Variants in PTPRS observed in about 807,000 individuals in gnomAD.
PTPRS encodes receptor-type tyrosine-protein phosphatase S.
Under a neutral mutation model 215.3 loss-of-function variants are expected in PTPRS, and 63 were observed. The ratio of observed to expected loss-of-function variants is 0.29; its 90% CI spans 0.24 to 0.36. The LOEUF is 0.36. Among genes scored for constraint, PTPRS ranks in the 10% least tolerant of loss-of-function variants. The pLI is 1.00. For missense variants in PTPRS, 2,258 were observed against 2,825.8 expected, an observed-to-expected ratio of 0.80 and a Z score of 4.56; for synonymous variants, 1,404 against 1,191.4, an observed-to-expected ratio of 1.18 and a Z score of -3.68.
intron 1 of PTPRS, among the ~76,000 whole-genome samples, chr19:5,337,185 A>AT (rs1003744666): frequency 6.6e-6 from 1 of 152,220 alleles, no homozygotes; most frequent in African/African-American, 2.4e-5. Flanking sequence ...GCCGAAAAAC[A>AT]TTAAGCTTTG....
At chr19:5,330,079 A>G (rs1169697785) in intron 1 of PTPRS, among the ~76,000 whole-genome samples, 1 of 150,492 alleles carries the variant, frequency 6.6e-6, no homozygotes, top group Non-Finnish European at 1.5e-5. Flanking sequence ...TCTGTCTCAA[A>G]AAAAAAAAAA....
At chr19:5,312,360 G>T (rs2049734253) in intron 1 of PTPRS, among the ~76,000 whole-genome samples, 1 of 152,108 alleles carries the variant, frequency 6.6e-6, no homozygotes, top group Non-Finnish European at 1.5e-5. Flanking sequence ...ATTTGCAAAT[G>T]CTATAATAAT....
chr19:5,313,445 C>T (rs2049772663), intron 1 of PTPRS, among the ~76,000 whole-genome samples: 3 of 152,276 alleles, frequency 2.0e-5, no homozygotes, highest in African/African-American at 7.2e-5. Flanking sequence ...CATAGGAAAC[C>T]GGGTGCTGGG....
At chr19:5,310,676 T>C (rs975349639) in intron 1 of PTPRS, among the ~76,000 whole-genome samples, 18 of 151,842 alleles carry the variant, frequency 1.2e-4, no homozygotes, top group African/African-American at 4.4e-4. Context: ...ATTTAATCTA[T>C]TGGCTTTATG....
intron 1 of PTPRS, among the ~76,000 whole-genome samples, chr19:5,314,867 C>T (rs572781468): frequency 1.3e-5 from 2 of 152,326 alleles, no homozygotes; most frequent in East Asian, 3.9e-4. Flanking sequence ...AACCTCAAAC[C>T]TCTGACCCTT....
At chr19:5,273,305 T>C (rs1431760699) in intron 4 of PTPRS, 137 bp downstream of exon 4, 1 of 1,216,728 alleles carries the variant, frequency 8.2e-7, no homozygotes, top group Admixed American at 1.8e-5. Context: ...CTGTTACTGG[T>C]TGGATAAGGG....
chr19:5,274,137 G>A (rs2047157503), intron 3 of PTPRS, 62 bp downstream of exon 3: 12 of 1,564,228 alleles, frequency 7.7e-6, no homozygotes, highest in South Asian at 6.9e-5. Flanking sequence ...TGTGGCTGAG[G>A]TGCTGTGGCC....
intron 9 of PTPRS, among the ~76,000 whole-genome samples, chr19:5,253,724 C>T (rs990138703): frequency 3.7e-4 from 57 of 152,278 alleles, no homozygotes; most frequent in Non-Finnish European, 6.8e-4. Context: ...TTAAAAGTTT[C>T]CCATATGCCA....
intron 7 of PTPRS, among the ~76,000 whole-genome samples, chr19:5,260,395 G>A (rs1386590433): frequency 6.6e-6 from 1 of 152,076 alleles, no homozygotes; most frequent in African/African-American, 2.4e-5. Context: ...GCCCAGGCTG[G>A]TCTTGAACTC....
At chr19:5,239,211 C>T (rs1338073406) in intron 12 of PTPRS, 148 bp from the exon 13 acceptor site, 31 of 581,252 alleles carry the variant, frequency 5.3e-5, no homozygotes, top group African/African-American at 1.7e-4. Context: ...GACAGGGGTG[C>T]GGCAGAGAGG....
intron 9 of PTPRS, 62 bp downstream of exon 9, chr19:5,256,046 G>T: frequency 7.0e-7 from 1 of 1,433,548 alleles, no homozygotes; most frequent in Non-Finnish European, 9.7e-7. Context: ...GTGTGTGTGC[G>T]TGTCATTTTC....
At chr19:5,249,203 C>A (rs1205051144) in intron 9 of PTPRS, among the ~76,000 whole-genome samples, 1 of 152,162 alleles carries the variant, frequency 6.6e-6, no homozygotes, top group East Asian at 1.9e-4. Context: ...CCCAGTTACT[C>A]TGGAGGCTGA....
Position 5,221,192 on chromosome 19 carries a change from T to C in PTPRS, c.3263A>G (p.His1088Arg). ...DGRTTKKLITHLKPHTFYNFV... is the reference protein window; with the variant it reads ...DGRTTKKLITRLKPHTFYNFV... The stretch of plus-strand genomic sequence containing the variant: ...GTTGTAGAAGGTGTGGGGCTTGAGG[T>C]GCGTGATGAGCTTCTTGGTGGTACG... Residue 1088 changes from histidine to arginine, a missense_variant, in exon 20 of 38, where the codon CAC (histidine) becomes CGC (arginine). His to Arg is a conservative substitution (Grantham distance 29, BLOSUM62 0). This residue lies in a region of PTPRS where 927 missense variants were observed against 1,125.9 expected (regional missense o/e 0.82). Transcript: ENST00000262963. 1 of 1,613,788 alleles carries C rather than the reference T, an allele frequency of 6.2e-7. No homozygotes were observed. The highest frequency in any genetic ancestry group is 8.5e-7 in the Non-Finnish European group (1 of 1,179,934).
chr19:5,296,943 A>C (rs1419701949), intron 1 of PTPRS, among the ~76,000 whole-genome samples: 1 of 152,014 alleles, frequency 6.6e-6, no homozygotes, highest in African/African-American at 2.4e-5. Flanking sequence ...ATGAGGGAGA[A>C]AGGCACATTC....
Position 5,315,533 on chromosome 19 carries a change from T to C in PTPRS, c.-95+25131A>G, listed in dbSNP as rs191126917. 3.7e-3 allele frequency among the ~76,000 whole-genome samples: 530 copies of C among 142,610 alleles called. 1 individual carries two copies. The highest frequency in any genetic ancestry group is 0.014 in the African/African-American group (502 of 35,980). 93.6% of individuals were successfully genotyped at this position (142,610 alleles called of 152,430 possible). On this transcript the variant is annotated intron_variant, in intron 1 of 37. Coordinates refer to ENST00000262963, the MANE Select transcript of PTPRS (RefSeq NM_002850.4). ...TGTACACCATCATACTTGGCTAATT[T>C]TTAAAATTTTTTTCAGAGATGGGGT...
Position 5,231,314 on chromosome 19 carries a change from C to G in PTPRS, c.2151G>C (p.Glu717Asp). ...GGGCCTGGGGCAGGTACTTACCATC[C>G]TCGTCGGTGCGGACGACCACGGGCG... The part of the protein sequence containing the change: ...ESSPVVVRTD[E>D]DVPSAPPRKV... Residue 717 changes from glutamate to aspartate, a missense_variant, in exon 14 of 38, where the codon GAG becomes GAC. Around this residue, in one of 6 missense-constraint regions of PTPRS, gnomAD observed 371 missense variants for 446.7 expected, o/e 0.83. Transcript: ENST00000262963. The G allele has an allele frequency of 6.2e-7, 1 of 1,605,004 alleles. No individual in the cohort carries two copies. Among genetic ancestry groups the G allele is most frequent in the Non-Finnish European group, 8.5e-7 (1 of 1,178,306 alleles).
At chr19:5,271,124 T>C (rs11085121) in intron 4 of PTPRS, among the ~76,000 whole-genome samples, 65,151 of 152,076 alleles carry the variant, frequency 0.43, 14,256 homozygotes, top group East Asian at 0.68. Flanking sequence ...GGAAGCCACA[T>C]GCAGGGGTCA....
At chr19:5,255,593 G>GAA (rs200212584) in intron 9 of PTPRS, among the ~76,000 whole-genome samples, 2 of 136,864 alleles carry the variant, frequency 1.5e-5, no homozygotes, top group African/African-American at 5.4e-5. Context: ...AAAGAAAAAA[G>GAA]AAAAAAAAAA....
chr19:5,334,130 C>T (rs1031759460), intron 1 of PTPRS, among the ~76,000 whole-genome samples: 7 of 152,242 alleles, frequency 4.6e-5, no homozygotes, highest in African/African-American at 1.7e-4. Context: ...TCGCCCAGTC[C>T]TGCCGCAGAA....
Sources: allele counts gnomAD v4.1 joint callset (sites outside exome capture counted in the v4.1 genomes callset), GRCh38; gene constraint gnomAD v4.1.1; regional missense constraint gnomAD v4.1.1; transcripts MANE v1.5; gene names NCBI Gene and HGNC (gene_info 2026-07-23, HGNC 2026-07-21).